IL1RAPL1: variants seen among roughly 807,000 people sequenced by gnomAD.
The protein encoded by IL1RAPL1 is interleukin 1 receptor accessory protein like 1, also known as interleukin-1 receptor accessory protein-like 1.
A neutral mutation model predicts 48.4 loss-of-function variants in IL1RAPL1; 3 were observed. The observed-to-expected ratio is 0.06, with a 90% CI of 0.03 to 0.16. The LOEUF (loss-of-function observed/expected upper bound fraction) is 0.16, where lower values mean the gene tolerates loss of function less well. Among genes scored for constraint, IL1RAPL1 ranks in the 10% least tolerant of loss-of-function variants. IL1RAPL1 has a pLI of 1.00. For missense variants in IL1RAPL1, 349 were observed against 530.6 expected (o/e 0.66, Z 3.36); for synonymous variants, 185 against 187.7 (o/e 0.99, Z 0.12).
chrX:28,729,200 A>G (rs1935722400), intron 1 of IL1RAPL1, among the ~76,000 whole-genome samples: 1 of 111,832 alleles, frequency 8.9e-6, no homozygotes, highest in Admixed American at 9.6e-5. Context: ...TTATGTTAAA[A>G]AATTATATGT....
intron 2 of IL1RAPL1, among the ~76,000 whole-genome samples, chrX:29,107,754 T>A (rs73210057): frequency 2.7e-5 from 3 of 112,499 alleles, no homozygotes; most frequent in Non-Finnish European, 5.6e-5. Flanking sequence ...CCACTTACAT[T>A]CAGAATCAGT....
intron 9 of IL1RAPL1, among the ~76,000 whole-genome samples, chrX:29,952,355 T>A: frequency 9.0e-6 from 1 of 111,542 alleles, no homozygotes; most frequent in South Asian, 3.8e-4. Context: ...CAATCCACAA[T>A]CTGGCCTGAG....
chrX:29,502,638 C>T (rs191343496), intron 5 of IL1RAPL1, among the ~76,000 whole-genome samples: 255 of 111,124 alleles, frequency 2.3e-3, no homozygotes, highest in African/African-American at 8.0e-3. Context: ...GTTGAATCAT[C>T]CTTGCATCCC....
chrX:29,385,622 A>G (rs1933766638), intron 3 of IL1RAPL1, among the ~76,000 whole-genome samples: 1 of 112,446 alleles, frequency 8.9e-6, no homozygotes, highest in African/African-American at 3.2e-5. Context: ...TTTGTGACTG[A>G]CTGATTTCAC....
intron 5 of IL1RAPL1, among the ~76,000 whole-genome samples, chrX:29,529,957 CAAA>C (rs1176447352): frequency 5.4e-5 from 6 of 111,159 alleles, no homozygotes; most frequent in Non-Finnish European, 1.1e-4. Flanking sequence ...ATCAAATTAA[CAAA>C]AAACAAAAAA....
chrX:29,907,456 T>A (rs1175285775), intron 6 of IL1RAPL1, among the ~76,000 whole-genome samples: 1 of 111,234 alleles, frequency 9.0e-6, no homozygotes, highest in Non-Finnish European at 1.9e-5. Flanking sequence ...TAGTAATATT[T>A]AACTCTAATA....
At chrX:28,719,731 C>T (rs953524473) in intron 1 of IL1RAPL1, among the ~76,000 whole-genome samples, 17 of 110,660 alleles carry the variant, frequency 1.5e-4, no homozygotes, top group African/African-American at 5.6e-4. Context: ...TTCAATTTTC[C>T]CAGCTTATTT....
At chrX:29,578,278 TA>T in intron 5 of IL1RAPL1, among the ~76,000 whole-genome samples, 1 of 111,937 alleles carries the variant, frequency 8.9e-6, no homozygotes, top group Admixed American at 9.5e-5. Flanking sequence ...CCCCTGAGGT[TA>T]AAGTACTTTT....
intron 6 of IL1RAPL1, among the ~76,000 whole-genome samples, chrX:29,775,754 G>T (rs1030935508): frequency 2.7e-5 from 3 of 111,372 alleles, no homozygotes; most frequent in African/African-American, 9.8e-5. Context: ...CGAGAGATGG[G>T]AATAGTTCCT....
intron 5 of IL1RAPL1, among the ~76,000 whole-genome samples, chrX:29,481,771 A>G (rs1935044461): frequency 8.9e-6 from 1 of 111,988 alleles, no homozygotes; most frequent in Admixed American, 9.5e-5. Flanking sequence ...CATGGTCATG[A>G]CAGAAGATAA....
At chrX:29,643,871 T>C (rs1925240924) in intron 5 of IL1RAPL1, among the ~76,000 whole-genome samples, 2 of 112,180 alleles carry the variant, frequency 1.8e-5, no homozygotes, top group African/African-American at 3.2e-5. Flanking sequence ...TACACTAGCA[T>C]TTATGGAACA....
At chrX:29,145,101 C>T (rs1356584374) in intron 2 of IL1RAPL1, among the ~76,000 whole-genome samples, 2 of 110,779 alleles carry the variant, frequency 1.8e-5, no homozygotes, top group South Asian at 3.9e-4. Context: ...TTGAGAGATA[C>T]GGACATAATA....
At chrX:28,795,245 A>G (rs954451959) in intron 2 of IL1RAPL1, among the ~76,000 whole-genome samples, 2 of 111,839 alleles carry the variant, frequency 1.8e-5, no homozygotes, top group African/African-American at 6.5e-5. Context: ...GAGTAATTTT[A>G]ATATTCCTTT....
chrX:29,338,756 C>G (rs1275475968), intron 3 of IL1RAPL1, among the ~76,000 whole-genome samples: 1 of 111,080 alleles, frequency 9.0e-6, no homozygotes, highest in Non-Finnish European at 1.9e-5. Context: ...GTTCATTTCT[C>G]TGAGTCCCTG....
intron 2 of IL1RAPL1, among the ~76,000 whole-genome samples, chrX:29,256,718 G>A (rs1931764126): frequency 9.0e-6 from 1 of 111,286 alleles, no homozygotes; most frequent in Admixed American, 9.6e-5. Context: ...TATAAATGAT[G>A]ATGATGATGG....
At chrX:29,377,028 C>G (rs1296773591) in intron 3 of IL1RAPL1, among the ~76,000 whole-genome samples, 2 of 112,078 alleles carry the variant, frequency 1.8e-5, no homozygotes, top group African/African-American at 6.5e-5. Context: ...TTTTATGAAT[C>G]TGGGTGCTCC....
At chrX:29,407,429 C>G (rs964205110) in intron 5 of IL1RAPL1, among the ~76,000 whole-genome samples, 1 of 112,227 alleles carries the variant, frequency 8.9e-6, no homozygotes, top group African/African-American at 3.2e-5. Context: ...AATTTTGTTT[C>G]AAATATGCAT....
At chrX:29,225,630 A>G (rs1157463006) in intron 2 of IL1RAPL1, among the ~76,000 whole-genome samples, 1 of 111,883 alleles carries the variant, frequency 8.9e-6, no homozygotes, top group Non-Finnish European at 1.9e-5. Flanking sequence ...GGGGTGAGCT[A>G]ATGGAAAAGT....
At chrX:28,666,633 A>G (rs933431488) in intron 1 of IL1RAPL1, among the ~76,000 whole-genome samples, 2 of 111,529 alleles carry the variant, frequency 1.8e-5, no homozygotes, top group Admixed American at 1.9e-4. Flanking sequence ...CACACATAAA[A>G]CTTTCTAATT....
Sources: allele counts gnomAD v4.1 joint callset (sites outside exome capture counted in the v4.1 genomes callset), GRCh38; gene constraint gnomAD v4.1.1; transcripts MANE v1.5; gene names NCBI Gene and HGNC (gene_info 2026-07-23, HGNC 2026-07-21).